Variants in KIF16B observed in about 807,000 individuals in gnomAD.
The protein encoded by KIF16B is kinesin family member 16B, also known as kinesin-like protein KIF16B.
In KIF16B, 98 loss-of-function variants were observed where a neutral mutation model predicts 156.3. The observed-to-expected ratio is 0.63, with a 90% CI of 0.53 to 0.74. The LOEUF is 0.74. KIF16B is among the 30% of genes least tolerant of loss of function. The pLI, the probability that KIF16B is intolerant of heterozygous loss-of-function variation, is 0.00. For missense variants in KIF16B, 1,421 were observed against 1,606.5 expected, an observed-to-expected ratio of 0.88 and a Z score of 1.97; for synonymous variants, 564 against 583.7, an observed-to-expected ratio of 0.97 and a Z score of 0.49.
intron 1 of KIF16B, among the ~76,000 whole-genome samples, chr20:16,566,773 A>C (rs571362038): frequency 6.6e-6 from 1 of 152,356 alleles, no homozygotes; most frequent in South Asian, 2.1e-4. Context: ...TTATATCTAC[A>C]TTATTGAATA....
intron 12 of KIF16B, among the ~76,000 whole-genome samples, chr20:16,453,918 C>T (rs1270595585): frequency 1.3e-5 from 2 of 152,140 alleles, no homozygotes; most frequent in Non-Finnish European, 1.5e-5. Flanking sequence ...AATCTCACAT[C>T]CAGAATTCTA....
chr20:16,403,216 C>T (rs2065698843), intron 17 of KIF16B, among the ~76,000 whole-genome samples: 1 of 152,184 alleles, frequency 6.6e-6, no homozygotes, highest in Non-Finnish European at 1.5e-5. Flanking sequence ...ATATCACAGA[C>T]AATTTAACTA....
intron 25 of KIF16B, among the ~76,000 whole-genome samples, chr20:16,289,042 C>T (rs2063274554): frequency 6.6e-6 from 1 of 152,034 alleles, no homozygotes; most frequent in African/African-American, 2.4e-5. Flanking sequence ...ATTTAATACA[C>T]CTAACCTACC....
intron 10 of KIF16B, among the ~76,000 whole-genome samples, chr20:16,499,996 A>G (rs1003137759): frequency 2.0e-5 from 3 of 152,226 alleles, no homozygotes; most frequent in Admixed American, 2.0e-4. Flanking sequence ...ACAAAAGGGT[A>G]GTAATAGCAG....
intron 1 of KIF16B, among the ~76,000 whole-genome samples, chr20:16,570,540 T>C (rs992267372): frequency 1.3e-5 from 2 of 152,238 alleles, no homozygotes; most frequent in Non-Finnish European, 2.9e-5. Context: ...ATCACTATTA[T>C]AGTATGCATG....
chr20:16,529,180 AG>A (rs1183864526), intron 1 of KIF16B, among the ~76,000 whole-genome samples: 1 of 152,232 alleles, frequency 6.6e-6, no homozygotes, highest in African/African-American at 2.4e-5. Flanking sequence ...AAGGCTACCT[AG>A]GAAAAAAAGG....
intron 12 of KIF16B, among the ~76,000 whole-genome samples, chr20:16,465,570 A>C (rs75198813): frequency 0.023 from 3,453 of 152,320 alleles, 46 homozygotes; most frequent in Middle Eastern, 0.051. Flanking sequence ...ATATTTGCAA[A>C]ATCTCTACAT....
chr20:16,405,856 T>C (rs143381481), intron 16 of KIF16B, among the ~76,000 whole-genome samples: 186 of 152,268 alleles, frequency 1.2e-3, no homozygotes, highest in African/African-American at 4.3e-3. Flanking sequence ...ATTTCTTTCT[T>C]TCTTTCTCTG....
At chr20:16,445,419 C>CGTGTGTGTGTGTGTGTGTGTGTGTGT (rs11467171) in intron 12 of KIF16B, among the ~76,000 whole-genome samples, 34 of 146,868 alleles carry the variant, frequency 2.3e-4, no homozygotes, top group African/African-American at 7.8e-4. Context: ...CATGTATATA[C>CGTGTGTGTGTGTGTGTGTGTGTGTGT]GTGTGTGTGT....
chr20:16,452,790 G>A (rs879709879), intron 12 of KIF16B, among the ~76,000 whole-genome samples: 31 of 150,528 alleles, frequency 2.1e-4, no homozygotes, highest in African/African-American at 6.6e-4. Context: ...AGCCGAGATC[G>A]CGCCACTGCA....
intron 15 of KIF16B, among the ~76,000 whole-genome samples, chr20:16,420,619 T>A (rs1270074117): frequency 6.6e-6 from 1 of 152,162 alleles, no homozygotes; most frequent in African/African-American, 2.4e-5. Context: ...TGACTTGAGT[T>A]ACCACGCAGC....
At chr20:16,356,933 G>C (rs537245110) in intron 22 of KIF16B, among the ~76,000 whole-genome samples, 2 of 152,310 alleles carry the variant, frequency 1.3e-5, no homozygotes, top group South Asian at 4.1e-4. Context: ...TTATAAGCCA[G>C]TGTAGTGTGG....
At position 16,476,376 on chromosome 20, in the gene KIF16B, G is replaced by GAA. The variant is rs201420512; in HGVS notation, c.1302+17913_1302+17914dup. Among the ~76,000 whole-genome samples, 12 of 152,100 alleles carry GAA rather than the reference G, an allele frequency of 7.9e-5. No individual in the cohort carries two copies. In the East Asian group the frequency reaches 2.3e-3, roughly 29 times the overall value. On this transcript the variant is annotated intron_variant, in intron 12 of 25. Transcript: ENST00000354981. ...AAAGACACATTTGTTTTGTTAAAGT[G>GAA]AAGAAATCATTTTGTTCTCCAATAG...
At chr20:16,412,452 C>T (rs2065981442) in intron 15 of KIF16B, among the ~76,000 whole-genome samples, 2 of 151,918 alleles carry the variant, frequency 1.3e-5, no homozygotes, top group South Asian at 4.2e-4. Flanking sequence ...CTCATACTGC[C>T]AATAAAGATA....
chr20:16,292,107 C>T (rs2063322529), intron 25 of KIF16B, among the ~76,000 whole-genome samples: 1 of 151,834 alleles, frequency 6.6e-6, no homozygotes. Context: ...CAGGTGATCT[C>T]AATTAGAAAG....
chr20:16,318,450 C>T (rs544338454), intron 24 of KIF16B, among the ~76,000 whole-genome samples: 2 of 152,196 alleles, frequency 1.3e-5, no homozygotes, highest in East Asian at 1.9e-4. Context: ...CTTGGAGAAA[C>T]GGCTGATTCC....
intron 12 of KIF16B, among the ~76,000 whole-genome samples, chr20:16,440,531 GCGCACACACACACACACA>G (rs1405169896): frequency 6.3e-5 from 5 of 79,442 alleles, no homozygotes; most frequent in African/African-American, 2.4e-4. Context: ...ACACAAGCGC[GCGCACACACACACACACA>G]CACACACACA....
intron 15 of KIF16B, among the ~76,000 whole-genome samples, chr20:16,417,895 T>C (rs574103404): frequency 7.2e-5 from 11 of 151,922 alleles, no homozygotes; most frequent in Admixed American, 4.6e-4. Flanking sequence ...TGTGAGACAA[T>C]AGTAAAATAT....
At chr20:16,381,004 A>G (rs1183033924) in intron 18 of KIF16B, among the ~76,000 whole-genome samples, 1 of 152,214 alleles carries the variant, frequency 6.6e-6, no homozygotes, top group African/African-American at 2.4e-5. Flanking sequence ...GTCCTACTAA[A>G]TAAACATTTA....
Sources: gnomAD v4.1 joint callset for allele counts (sites outside exome capture counted in the v4.1 genomes callset) on GRCh38, gnomAD v4.1.1 for gene constraint, MANE v1.5 for transcripts, NCBI Gene and HGNC (gene_info 2026-07-23, HGNC 2026-07-21) for gene names.